The following GRID2 variants were observed in gnomAD, a reference collection of about 807,000 sequenced individuals.
GRID2 encodes the protein glutamate receptor ionotropic, delta-2.
GRID2 carries 33 observed loss-of-function variants against 114.8 expected under a neutral mutation model. The ratio of observed to expected loss-of-function variants is 0.29; its 90% CI spans 0.22 to 0.38. GRID2 has a LOEUF of 0.38. GRID2 is among the 10% of genes least tolerant of loss of function. The pLI, the probability that GRID2 is intolerant of heterozygous loss-of-function variation, is 1.00. For synonymous variants in GRID2, 505 were observed against 449.9 expected (o/e 1.12, Z -1.55); for missense variants, 1,184 against 1,257.7 (o/e 0.94, Z 0.89).
At chr4:93,591,336 C>T (rs1410279915) in intron 13 of GRID2, among the ~76,000 whole-genome samples, 1 of 151,690 alleles carries the variant, frequency 6.6e-6, no homozygotes, top group Non-Finnish European at 1.5e-5. Context: ...GTCTTTGGCT[C>T]TGTTTATATG....
intron 1 of GRID2, among the ~76,000 whole-genome samples, chr4:92,585,380 G>A (rs1728382018): frequency 6.6e-6 from 1 of 151,940 alleles, no homozygotes; most frequent in African/African-American, 2.4e-5. Context: ...AGTGAGTAAA[G>A]AGATTAAAAA....
chr4:93,654,715 A>C (rs1722859322), intron 14 of GRID2, among the ~76,000 whole-genome samples: 1 of 152,202 alleles, frequency 6.6e-6, no homozygotes, highest in Non-Finnish European at 1.5e-5. Context: ...TATAGAACCC[A>C]AAAACCCATT....
chr4:93,265,053 T>G (rs1162157875), intron 8 of GRID2, among the ~76,000 whole-genome samples: 1 of 151,784 alleles, frequency 6.6e-6, no homozygotes, highest in Non-Finnish European at 1.5e-5. Context: ...AGTGCGGGGA[T>G]TACAGGCATG....
rs966062164 is a variant in GRID2 at position 92,473,951 on chromosome 4, A to G, written c.89-116180A>G. On this transcript the variant is annotated intron_variant, in intron 1 of 15. Coordinates refer to ENST00000282020, the MANE Select transcript of GRID2 (RefSeq NM_001510.4). ...CTAAAAATCATACCCATCACCTCAAATTGTTATCTTGGTTGTGTGTGTGTG... is the reference window on the plus strand; with the variant it reads ...CTAAAAATCATACCCATCACCTCAAGTTGTTATCTTGGTTGTGTGTGTGTG... Among the ~76,000 whole-genome samples the G allele has an allele frequency of 4.9e-4, 68 of 140,090 alleles. 1 individual carries two copies. Among genetic ancestry groups the G allele is most frequent in the Non-Finnish European group, 7.7e-5 (5 of 65,260 alleles). 91.9% of individuals were successfully genotyped at this position (140,090 alleles called of 152,430 possible).
At chr4:92,457,929 T>C (rs748802072) in intron 1 of GRID2, among the ~76,000 whole-genome samples, 1 of 152,198 alleles carries the variant, frequency 6.6e-6, no homozygotes, top group African/African-American at 2.4e-5. Flanking sequence ...ATTTCTGCCA[T>C]TGTAAATTTT....
chr4:92,616,249 G>A (rs769110695), intron 2 of GRID2, among the ~76,000 whole-genome samples: 43 of 150,192 alleles, frequency 2.9e-4, no homozygotes, highest in South Asian at 6.4e-4. Context: ...TTTCCTGGAT[G>A]TAGGATTCTT....
At chr4:93,584,738 T>C (rs962179514) in intron 13 of GRID2, among the ~76,000 whole-genome samples, 1 of 152,162 alleles carries the variant, frequency 6.6e-6, no homozygotes, top group African/African-American at 2.4e-5. Flanking sequence ...GTCCTGGGAA[T>C]TTAACTATGT....
intron 1 of GRID2, among the ~76,000 whole-genome samples, chr4:92,406,134 T>A (rs1731018876): frequency 6.6e-6 from 1 of 152,082 alleles, no homozygotes; most frequent in African/African-American, 2.4e-5. Flanking sequence ...TAAGGGTGGG[T>A]CCACATTCCC....
intron 2 of GRID2, among the ~76,000 whole-genome samples, chr4:92,906,395 A>G (rs1248061033): frequency 1.3e-5 from 2 of 152,156 alleles, no homozygotes; most frequent in African/African-American, 2.4e-5. Flanking sequence ...GCCTTTCAAG[A>G]ATTTTGCCAC....
rs565464902 is a variant in GRID2, at chr4:92,505,283, C to G, written c.89-84848C>G. On this transcript the variant is annotated intron_variant, in intron 1 of 15. Coordinates refer to ENST00000282020, the MANE Select transcript of GRID2 (RefSeq NM_001510.4). ...TACTTATAAAGAATGCTGTCCATAACTTTTTATTTTTAATGGCCTGGATTA... is the reference window on the plus strand; with the variant it reads ...TACTTATAAAGAATGCTGTCCATAAGTTTTTATTTTTAATGGCCTGGATTA... Among the ~76,000 whole-genome samples, 3 of 152,096 alleles carry G rather than the reference C, an allele frequency of 2.0e-5. No individual in the cohort carries two copies. In the East Asian group the frequency reaches 5.8e-4, roughly 29 times the overall value.
At chr4:92,972,203 AT>A (rs748827964) in intron 2 of GRID2, among the ~76,000 whole-genome samples, 1,880 of 140,108 alleles carry the variant, frequency 0.013, 13 homozygotes, top group African/African-American at 0.029. Context: ...CTTTGCTAGC[AT>A]TTTTTTTTTT....
chr4:93,502,122 T>G (rs889191291), intron 12 of GRID2, among the ~76,000 whole-genome samples: 9 of 152,116 alleles, frequency 5.9e-5, no homozygotes, highest in African/African-American at 1.2e-4. Flanking sequence ...AGAGTAGTGA[T>G]GAAAATCAGC....
chr4:93,333,725 G>T (rs1758737792), intron 8 of GRID2, among the ~76,000 whole-genome samples: 1 of 152,082 alleles, frequency 6.6e-6, no homozygotes, highest in South Asian at 2.1e-4. Context: ...TATTCACCTG[G>T]AAAATGGAAA....
intron 14 of GRID2, among the ~76,000 whole-genome samples, chr4:93,767,282 C>A (rs1733747239): frequency 6.6e-6 from 1 of 152,030 alleles, no homozygotes; most frequent in Admixed American, 6.6e-5. Context: ...AACCACAAGG[C>A]CCTTTTCTTA....
At chr4:92,961,734 G>A (rs1170364000) in intron 2 of GRID2, among the ~76,000 whole-genome samples, 2 of 150,786 alleles carry the variant, frequency 1.3e-5, no homozygotes, top group Non-Finnish European at 1.5e-5. Context: ...GAAATTCTTG[G>A]TCGTGGGTGA....
At chr4:92,616,811 G>A (rs1475786530) in intron 2 of GRID2, among the ~76,000 whole-genome samples, 1 of 151,286 alleles carries the variant, frequency 6.6e-6, no homozygotes, top group African/African-American at 2.4e-5. Flanking sequence ...TTTGATATTT[G>A]TTAATATTTT....
intron 2 of GRID2, among the ~76,000 whole-genome samples, chr4:92,715,655 G>GC (rs1735507701): frequency 6.6e-6 from 1 of 152,182 alleles, no homozygotes; most frequent in South Asian, 2.1e-4. Flanking sequence ...AGTGAAGAGA[G>GC]CGAGTGCAGG....
rs897411033 is a variant in GRID2, at chr4:93,471,698, A to ATTTTTTTTTTTTTTTTTTTTTTT, written c.1858+15741_1858+15742insTTTTTTTTTTTTTTTTTTTTTTT. Among the ~76,000 whole-genome samples, 457 of 60,868 alleles carry ATTTTTTTTTTTTTTTTTTTTTTT rather than the reference A, an allele frequency of 7.5e-3. 116 individuals are homozygous for ATTTTTTTTTTTTTTTTTTTTTTT. Among genetic ancestry groups the ATTTTTTTTTTTTTTTTTTTTTTT allele is most frequent in the African/African-American group, 0.017 (184 of 11,048 alleles). The allele number at this position is 60,868 out of a possible 152,430, so 39.9% of individuals were successfully genotyped here. ...ATTGTTATTTCTTCTCCTGAATTCAATTTTTTTTTTTTTTTTTGGAGACGG... is the reference window on the plus strand; with the variant it reads ...ATTGTTATTTCTTCTCCTGAATTCAATTTTTTTTTTTTTTTTTTTTTTTTTTTTTTTTTTTTTTTTGGAGACGG... On this transcript the variant is annotated intron_variant, in intron 11 of 15. Transcript: ENST00000282020.
chr4:93,739,094 T>C (rs2110246530), intron 14 of GRID2, among the ~76,000 whole-genome samples: 1 of 152,190 alleles, frequency 6.6e-6, no homozygotes, highest in Non-Finnish European at 1.5e-5. Context: ...CCTCAGGGGA[T>C]GATAGAAGAG....
Sources: gnomAD v4.1 joint callset for allele counts (sites outside exome capture counted in the v4.1 genomes callset) on GRCh38, gnomAD v4.1.1 for gene constraint, MANE v1.5 for transcripts, NCBI Gene and HGNC (gene_info 2026-07-23, HGNC 2026-07-21) for gene names.